NECAB1: variants seen among roughly 807,000 people sequenced by gnomAD.
NECAB1 encodes N-terminal EF-hand calcium-binding protein 1.
A neutral mutation model predicts 57.5 loss-of-function variants in NECAB1; 29 were observed. That is an observed-to-expected ratio of 0.50 (90% confidence interval 0.38 to 0.69). The LOEUF (loss-of-function observed/expected upper bound fraction) is 0.69, where lower values mean the gene tolerates loss of function less well. Among genes scored for constraint, NECAB1 ranks in the 30% least tolerant of loss-of-function variants. NECAB1 has a pLI of 0.00. For missense variants in NECAB1, 372 were observed against 413.8 expected, an observed-to-expected ratio of 0.90 and a Z score of 0.88; for synonymous variants, 142 against 147.7, an observed-to-expected ratio of 0.96 and a Z score of 0.28.
At chr8:90,896,380 G>A (rs1053228530) in intron 5 of NECAB1, among the ~76,000 whole-genome samples, 4 of 152,092 alleles carry the variant, frequency 2.6e-5, no homozygotes, top group Admixed American at 6.6e-5. Context: ...CGAGGCAGGC[G>A]GATCACAAGG....
At chr8:90,830,226 TC>T (rs1812281423) in intron 3 of NECAB1, among the ~76,000 whole-genome samples, 2 of 152,024 alleles carry the variant, frequency 1.3e-5, no homozygotes, top group Admixed American at 1.3e-4. Context: ...TTATTGCAAT[TC>T]CAATAGTGGA....
At chr8:90,802,312 A>G (rs1222779415) in intron 2 of NECAB1, among the ~76,000 whole-genome samples, 2 of 152,208 alleles carry the variant, frequency 1.3e-5, no homozygotes, top group Non-Finnish European at 2.9e-5. Flanking sequence ...GGAGATGGCA[A>G]CCTCGAAGTA....
intron 4 of NECAB1, among the ~76,000 whole-genome samples, chr8:90,873,583 T>C (rs1490402238): frequency 6.6e-6 from 1 of 152,240 alleles, no homozygotes; most frequent in Non-Finnish European, 1.5e-5. Context: ...TGTCTAGCTA[T>C]GTCAGGCCAA....
intron 3 of NECAB1, among the ~76,000 whole-genome samples, chr8:90,855,765 A>T (rs1249875152): frequency 6.6e-6 from 1 of 152,168 alleles, no homozygotes; most frequent in Non-Finnish European, 1.5e-5. Context: ...TGGTGAATCC[A>T]TGGCTTAACT....
At chr8:90,872,998 A>C (rs1385342551) in intron 4 of NECAB1, among the ~76,000 whole-genome samples, 1 of 152,186 alleles carries the variant, frequency 6.6e-6, no homozygotes, top group African/African-American at 2.4e-5. Flanking sequence ...AAAACCATAA[A>C]AAAAGGCCAT....
chr8:90,881,151 A>G, intron 5 of NECAB1, 21 bp downstream of exon 5: 1 of 1,482,396 alleles, frequency 6.7e-7, no homozygotes, highest in Non-Finnish European at 9.2e-7. Context: ...GTTAATGTTT[A>G]TTTTCTATAA....
At chr8:90,816,331 C>T (rs972203295) in intron 2 of NECAB1, among the ~76,000 whole-genome samples, 4 of 151,786 alleles carry the variant, frequency 2.6e-5, no homozygotes, top group Non-Finnish European at 5.9e-5. Context: ...ACAGTTTCCC[C>T]TCCTCACAGA....
intron 5 of NECAB1, among the ~76,000 whole-genome samples, chr8:90,906,889 A>ATGTATATATATATATATATATATGTG (rs1370948313): frequency 1.4e-5 from 1 of 72,854 alleles, no homozygotes; most frequent in African/African-American, 5.7e-5. Flanking sequence ...ATATATATAT[A>ATGTATATATATATATATATATATGTG]TATATATATA....
rs550702093 is a variant in NECAB1, at chr8:90,903,239, C to T, written c.358-14253C>T. Among the ~76,000 whole-genome samples the T allele has an allele frequency of 3.7e-4, 57 of 152,032 alleles. 1 individual carries two copies. The highest frequency in any genetic ancestry group is 1.2e-3 in the African/African-American group (51 of 41,516). ...TTATTAAATTTATAGAGTTATACAACGACCACTGCAATCCCATTTTAGAAC... is the reference window on the plus strand; with the variant it reads ...TTATTAAATTTATAGAGTTATACAATGACCACTGCAATCCCATTTTAGAAC... On this transcript the variant is annotated intron_variant, in intron 5 of 12. Coordinates refer to ENST00000417640, the MANE Select transcript of NECAB1 (RefSeq NM_022351.5).
intron 2 of NECAB1, among the ~76,000 whole-genome samples, chr8:90,815,623 G>T (rs1356780201): frequency 6.6e-6 from 1 of 151,878 alleles, no homozygotes; most frequent in Non-Finnish European, 1.5e-5. Flanking sequence ...CTTTCCAAAA[G>T]ATCATAAAAT....
chr8:90,876,935 T>C (rs554377303), intron 4 of NECAB1, among the ~76,000 whole-genome samples: 19 of 152,346 alleles, frequency 1.2e-4, no homozygotes, highest in African/African-American at 4.6e-4. Flanking sequence ...AGGTCTTTTC[T>C]TCAGGAAGTT....
intron 10 of NECAB1, among the ~76,000 whole-genome samples, chr8:90,947,363 T>C (rs1206547846): frequency 8.4e-6 from 1 of 119,460 alleles, no homozygotes; most frequent in African/African-American, 3.0e-5. Flanking sequence ...ATAAGCCAAG[T>C]ACTGAGTTAA....
chr8:90,915,751 G>A (rs1243921339), intron 5 of NECAB1, among the ~76,000 whole-genome samples: 1 of 152,204 alleles, frequency 6.6e-6, no homozygotes, highest in African/African-American at 2.4e-5. Flanking sequence ...CTCAGAAGTA[G>A]GGAAGCCAAC....
intron 11 of NECAB1, among the ~76,000 whole-genome samples, chr8:90,950,809 TTATC>T (rs766321378): frequency 3.9e-4 from 60 of 152,326 alleles, no homozygotes; most frequent in Non-Finnish European, 7.1e-4. Flanking sequence ...GTCTGTCTTA[TTATC>T]TATCTTGTTT....
At chr8:90,842,455 T>C (rs1812470970) in intron 3 of NECAB1, among the ~76,000 whole-genome samples, 1 of 152,204 alleles carries the variant, frequency 6.6e-6, no homozygotes, top group Non-Finnish European at 1.5e-5. Flanking sequence ...TCTCACATGA[T>C]AGAAGCTGTC....
chr8:90,818,750 C>T (rs1246573972), intron 2 of NECAB1, among the ~76,000 whole-genome samples: 1 of 151,924 alleles, frequency 6.6e-6, no homozygotes, highest in Non-Finnish European at 1.5e-5. Flanking sequence ...CTCTTTGGTA[C>T]TCTCTGAGCT....
At chr8:90,913,495 A>C (rs1809878285) in intron 5 of NECAB1, among the ~76,000 whole-genome samples, 1 of 152,198 alleles carries the variant, frequency 6.6e-6, no homozygotes, top group African/African-American at 2.4e-5. Flanking sequence ...CAAAATCTGA[A>C]TAATGAGTAT....
chr8:90,828,560 A>G (rs1022486471), intron 3 of NECAB1, among the ~76,000 whole-genome samples: 8 of 152,158 alleles, frequency 5.3e-5, no homozygotes, highest in African/African-American at 1.2e-4. Context: ...CCTAATCTAT[A>G]TATCCTGAAG....
At chr8:90,896,903 A>G (rs1809360791) in intron 5 of NECAB1, among the ~76,000 whole-genome samples, 1 of 151,992 alleles carries the variant, frequency 6.6e-6, no homozygotes, top group Non-Finnish European at 1.5e-5. Context: ...TAAATTAGCC[A>G]ATTAGAATTA....
Sources: allele counts gnomAD v4.1 joint callset (sites outside exome capture counted in the v4.1 genomes callset), GRCh38; gene constraint gnomAD v4.1.1; transcripts MANE v1.5; gene names NCBI Gene and HGNC (gene_info 2026-07-23, HGNC 2026-07-21).